FTCD: variants seen among roughly 807,000 people sequenced by gnomAD.
FTCD encodes formimidoyltransferase-cyclodeaminase.
In FTCD, 76 loss-of-function variants were observed where a neutral mutation model predicts 62.9. That is an observed-to-expected ratio of 1.21 (90% CI 1.00 to 1.46). The LOEUF (loss-of-function observed/expected upper bound fraction) is 1.46, where lower values mean the gene tolerates loss of function less well. Among genes scored for constraint, FTCD ranks in the 40% most tolerant of loss-of-function variants. The pLI is 0.00. For missense variants in FTCD, 845 were observed against 751.3 expected, an observed-to-expected ratio of 1.12 and a Z score of -1.46; for synonymous variants, 397 against 336.9, an observed-to-expected ratio of 1.18 and a Z score of -1.95.
At chr21:46,153,745 G>A (rs925699160) in intron 2 of FTCD, among the ~76,000 whole-genome samples, 10 of 152,238 alleles carry the variant, frequency 6.6e-5, no homozygotes, top group East Asian at 1.9e-4. Context: ...CCTGCCCACC[G>A]AGGTGTTTGG....
Position 46,138,530 on chromosome 21 carries a change from A to G in FTCD, c.1421T>C (p.Leu474Pro). Reference protein sequence around the residue: ...ALQELARCGNLACRSDLQVAA... With the variant: ...ALQELARCGNPACRSDLQVAA... ...TACCTGGAGGTCTGACCGGCAGGCC[A>G]GGTTCCCACACCGGGCCAGTTCCTG... The change falls in exon 12 of 14, where the codon CTG becomes CCG. Residue 474 changes from leucine (L) to proline (P), a missense_variant. By Grantham distance (98) the Leu-to-Pro change is moderately conservative (BLOSUM62 -3). Transcript: ENST00000397746. 1 of 1,586,314 alleles carries G rather than the reference A, an allele frequency of 6.3e-7. No individual in the cohort carries two copies. Among genetic ancestry groups the G allele is most frequent in the African/African-American group, 1.3e-5 (1 of 74,794 alleles).
chr21:46,141,009 CTCTAAACCACACG>C (rs2078992283), intron 10 of FTCD, among the ~76,000 whole-genome samples: 1 of 152,266 alleles, frequency 6.6e-6, no homozygotes, highest in African/African-American at 2.4e-5. Flanking sequence ...GCTCATGGTT[CTCTAAACCACACG>C]TCTTGTTTCC....
At chr21:46,146,720 G>A (rs1189193206) in intron 7 of FTCD, 1 of 276,090 alleles carries the variant, frequency 3.6e-6, no homozygotes, top group Non-Finnish European at 7.0e-6. Flanking sequence ...CATCTAACAA[G>A]TCCTCAAAAG....
intron 10 of FTCD, chr21:46,142,075 G>A (rs948219838): frequency 6.6e-6 from 1 of 152,270 alleles, no homozygotes; most frequent in African/African-American, 2.4e-5. Flanking sequence ...ACCCCCGAAG[G>A]GCCTATCTAC....
chr21:46,139,263 G>C (rs934922883), intron 10 of FTCD, among the ~76,000 whole-genome samples: 1 of 152,150 alleles, frequency 6.6e-6, no homozygotes, highest in South Asian at 2.1e-4. Flanking sequence ...CTGGGCCTGT[G>C]TCTCCAACAC....
intron 2 of FTCD, among the ~76,000 whole-genome samples, chr21:46,153,295 AGGAGCAGCAGCACCTGAGCG>A (rs1315034744): frequency 6.6e-6 from 1 of 152,230 alleles, no homozygotes. Context: ...CCTTCAGCCC[AGGAGCAGCAGCACCTGAGCG>A]GGTGGTCTGG....
At chr21:46,138,826 C>G (rs2078930297) in intron 11 of FTCD, 54 bp downstream of exon 11, 2 of 1,525,132 alleles carry the variant, frequency 1.3e-6, no homozygotes, top group African/African-American at 2.7e-5. Flanking sequence ...GGGATCCTGG[C>G]CACCAACTCC....
intron 10 of FTCD, among the ~76,000 whole-genome samples, chr21:46,143,046 C>G (rs1371517502): frequency 6.6e-6 from 1 of 152,166 alleles, no homozygotes; most frequent in Non-Finnish European, 1.5e-5. Flanking sequence ...TTCACCTCTC[C>G]ACAGGACCAG....
chr21:46,140,512 C>G (rs2078976200), intron 10 of FTCD, among the ~76,000 whole-genome samples: 1 of 145,196 alleles, frequency 6.9e-6, no homozygotes, highest in African/African-American at 2.6e-5. Flanking sequence ...CCCAGCCCTC[C>G]CCGTCCACCT....
At position 46,154,323 on chromosome 21, in the gene FTCD, C is replaced by T. The variant is rs769270784; in HGVS notation, c.64G>A (p.Ala22Thr). The change falls in exon 2 of 14, where the codon GCC (alanine) becomes ACC (threonine). Residue 22 changes from alanine (A) to threonine (T), a missense_variant. Ala to Thr is a moderately conservative substitution (Grantham distance 58). Coordinates refer to ENST00000397746, the MANE Select transcript of FTCD (RefSeq NM_206965.2). ...GTCTGTGTGATGGCTCCAGAGATGG[C>T]GTCGATCACCTGGGACACAGGCCCG... ...SEGKNQEVIDAISGAITQTPG... is the reference protein window; with the variant it reads ...SEGKNQEVIDTISGAITQTPG... 12 of 1,609,892 alleles carry T rather than the reference C, an allele frequency of 7.5e-6. No homozygotes were observed. Among genetic ancestry groups the T allele is most frequent in the Middle Eastern group, 2.0e-4 (1 of 4,998 alleles).
intron 2 of FTCD, 118 bp from the exon 3 acceptor site, chr21:46,153,153 G>GCAAGCTGCTCA: frequency 8.9e-7 from 1 of 1,124,718 alleles, no homozygotes; most frequent in Non-Finnish European, 1.2e-6. Context: ...CACACACCCA[G>GCAAGCTGCTCA]CAAGCTGCTC....
Position 46,151,915 on chromosome 21 carries a change from C to G in FTCD, c.433G>C (p.Glu145Gln). The G allele has an allele frequency of 6.4e-7, 1 of 1,567,114 alleles. No homozygotes were observed. The highest frequency in any genetic ancestry group is 1.2e-5 in the South Asian group (1 of 85,788). Reference sequence around the variant, plus strand: ...ACCTTCTTAGGGAGGGCCTCGTACTCCCCGGCCCGGATGGCCGGCAGGGTC... The same window carrying G: ...ACCTTCTTAGGGAGGGCCTCGTACTGCCCGGCCCGGATGGCCGGCAGGGTC... The part of the protein sequence containing the change: ...RRTLPAIRAG[E>Q]YEALPKKLQQ... Residue 145 changes from glutamate (E) to glutamine (Q), a missense_variant, in exon 4 of 14, where the codon GAG (glutamate) becomes CAG (glutamine). By Grantham distance (29) the Glu-to-Gln change is conservative (BLOSUM62 2). Coordinates refer to ENST00000397746, the MANE Select transcript of FTCD (RefSeq NM_206965.2).
intron 7 of FTCD, 86 bp from the exon 8 acceptor site, chr21:46,146,413 G>A: frequency 2.2e-6 from 2 of 921,640 alleles, no homozygotes; most frequent in Admixed American, 2.0e-5. Context: ...CACCCTTGCG[G>A]CAGCCGCCCC....
chr21:46,152,975 C>G lies in FTCD; in HGVS notation c.299G>C (p.Ser100Thr). 6.4e-7 allele frequency: 1 copy of G among 1,555,670 alleles called. No individual in the cohort carries two copies. Among genetic ancestry groups the G allele is most frequent in the Non-Finnish European group, 8.7e-7 (1 of 1,149,752 alleles). Residue 100 changes from serine (S) to threonine (T), a missense_variant, in exon 3 of 14, where the codon AGC becomes ACC. Ser to Thr is a moderately conservative substitution (Grantham distance 58, BLOSUM62 1). Transcript: ENST00000397746. ...VCPFIPVRGVSVDECVLCAQA... is the reference protein window; with the variant it reads ...VCPFIPVRGVTVDECVLCAQA... ...GGCGCAGAGCACACACTCATCCACG[C>G]TGACGCCCCTCACGGGGATGAAGGG...
In FTCD at chr21:46,147,202, C is replaced by T. The variant is rs957793055; in HGVS notation, c.907-875G>A. Among the ~76,000 whole-genome samples the T allele has an allele frequency of 5.9e-5, 9 of 152,238 alleles. No homozygotes were observed. In the East Asian group the frequency reaches 1.5e-3, roughly 26 times the overall value. ...GACTGGAGACCCCTGGAAGGTGACACCCCCAAGGATGAATTAGAAACAGCC... is the reference window on the plus strand; with the variant it reads ...GACTGGAGACCCCTGGAAGGTGACATCCCCAAGGATGAATTAGAAACAGCC... On this transcript the variant is annotated intron_variant, in intron 7 of 13. Coordinates refer to ENST00000397746, the MANE Select transcript of FTCD (RefSeq NM_206965.2).
intron 10 of FTCD, among the ~76,000 whole-genome samples, chr21:46,139,397 T>C (rs965121630): frequency 5.3e-5 from 8 of 152,104 alleles, no homozygotes; most frequent in Admixed American, 2.6e-4. Flanking sequence ...TCCTAGGTGC[T>C]CATGTGTGTA....
chr21:46,143,491 T>C lies in FTCD; in HGVS notation c.1260+1926A>G, dbSNP rs1043242419. Among the ~76,000 whole-genome samples the C allele has an allele frequency of 1.2e-4, 18 of 152,148 alleles. 1 individual carries two copies. The highest frequency in any genetic ancestry group is 2.0e-4 in the Admixed American group (3 of 15,276). ...CAAGAGTTGTACTAGATATAGATCATAGATATGATTATATATAATTATTAA... is the reference window on the plus strand; with the variant it reads ...CAAGAGTTGTACTAGATATAGATCACAGATATGATTATATATAATTATTAA... On this transcript the variant is annotated intron_variant, in intron 10 of 13. Transcript: ENST00000397746.
At chr21:46,150,069 C>T in intron 7 of FTCD, 50 bp downstream of exon 7, 2 of 1,563,546 alleles carry the variant, frequency 1.3e-6, no homozygotes, top group Non-Finnish European at 1.7e-6. Context: ...ACCGCCTCCC[C>T]ACCCTCCCTG....
Position 46,138,675 on chromosome 21 carries a change from A to G in FTCD, c.1305-29T>C, listed in dbSNP as rs55697096. On this transcript the variant is annotated intron_variant, in intron 11 of 13. Coordinates refer to ENST00000397746, the MANE Select transcript of FTCD (RefSeq NM_206965.2). ...AAAGGAGCAAGAGGAGAGCCTGAGC[A>G]CAGCGGCACACACAGGCAGGCAGTG... 26,339 of 1,593,738 alleles carry G rather than the reference A, an allele frequency of 0.017. 2,202 individuals are homozygous for G. In the African/African-American group the frequency reaches 0.22, roughly 13 times the overall value.
Sources: gnomAD v4.1 joint callset for allele counts (sites outside exome capture counted in the v4.1 genomes callset) on GRCh38, gnomAD v4.1.1 for gene constraint, MANE v1.5 for transcripts, NCBI Gene and HGNC (gene_info 2026-07-23, HGNC 2026-07-21) for gene names.